TOMM34: variants seen among roughly 807,000 people sequenced by gnomAD.
The protein encoded by TOMM34 is translocase of outer mitochondrial membrane 34.
In TOMM34, 24 loss-of-function variants were observed where a neutral mutation model predicts 37.4. The ratio of observed to expected loss-of-function variants is 0.64; its 90% CI spans 0.46 to 0.90. The LOEUF is 0.90. TOMM34 is among the 40% of genes least tolerant of loss of function. The pLI, the probability that TOMM34 is intolerant of heterozygous loss-of-function variation, is 0.00. For synonymous variants in TOMM34, 154 were observed against 148.9 expected (o/e 1.03, Z -0.25); for missense variants, 304 against 375.6 (o/e 0.81, Z 1.58).
intron 5 of TOMM34, among the ~76,000 whole-genome samples, chr20:44,945,758 C>T (rs953190282): frequency 1.3e-5 from 2 of 152,222 alleles, no homozygotes; most frequent in Non-Finnish European, 2.9e-5. Context: ...AACTGCCCTT[C>T]CCTAATTCCT....
chr20:44,943,969 A>AG (rs542400684), intron 5 of TOMM34, among the ~76,000 whole-genome samples: 324 of 151,582 alleles, frequency 2.1e-3, no homozygotes, highest in Non-Finnish European at 3.6e-3. Context: ...ATCTACTTTA[A>AG]GGGGGAAAAA....
intron 5 of TOMM34, among the ~76,000 whole-genome samples, chr20:44,944,712 T>G (rs1048816722): frequency 2.0e-5 from 3 of 152,100 alleles, no homozygotes; most frequent in African/African-American, 7.2e-5. Flanking sequence ...AAAAAAGAAA[T>G]AAAATCTGAT....
chr20:44,956,695 C>A (rs1300848917), intron 1 of TOMM34, among the ~76,000 whole-genome samples: 3 of 152,090 alleles, frequency 2.0e-5, no homozygotes, highest in Non-Finnish European at 2.9e-5. Flanking sequence ...CAAAGGGAAC[C>A]AAGTATTTCC....
chr20:44,945,457 T>C (rs1319360137), intron 5 of TOMM34, among the ~76,000 whole-genome samples: 8 of 152,158 alleles, frequency 5.3e-5, no homozygotes, highest in Non-Finnish European at 1.0e-4. Flanking sequence ...TAGGTCATAA[T>C]AGGCCTTGCA....
chr20:44,949,416 G>A (rs2067007648), intron 4 of TOMM34, among the ~76,000 whole-genome samples: 1 of 152,234 alleles, frequency 6.6e-6, no homozygotes, highest in African/African-American at 2.4e-5. Flanking sequence ...AGAAGAGCCT[G>A]CTATTCCTCA....
intron 4 of TOMM34, among the ~76,000 whole-genome samples, chr20:44,949,293 T>C (rs556580257): frequency 6.6e-6 from 1 of 152,286 alleles, no homozygotes; most frequent in South Asian, 2.1e-4. Flanking sequence ...TGAGAGTATG[T>C]AAGAAAGTAC....
In TOMM34 at chr20:44,943,475, G is replaced by A. The variant is rs2066953523; in HGVS notation, c.803C>T (p.Ala268Val). The change falls in exon 6 of 7, where the codon GCT becomes GTT. Residue 268 changes from alanine (A) to valine (V), a missense_variant. Transcript: ENST00000372813. ...TACCTTGAGTGCTTTGTGGGCTTGA[G>A]CCCGTCTGTAGAATGCCTTCACGTT... is the stretch of plus-strand genomic sequence containing the variant. ...GKNVKAFYRR[A>V]QAHKALKDYK... The A allele has an allele frequency of 1.2e-6, 2 of 1,614,118 alleles. No homozygotes were observed. Among genetic ancestry groups the A allele is most frequent in the Non-Finnish European group, 1.7e-6 (2 of 1,180,020 alleles).
chr20:44,956,450 A>G lies in TOMM34; in HGVS notation c.163T>C (p.Ser55Pro). ...TTCAAGTGACATGCTGCTCGGTTGG[A>G]GTAGAGAACACTTTCTTCTTCTGGG... ...SDPEEESVLY[S>P]NRAACHLKDG... The change falls in exon 2 of 7, where the codon TCC (serine) becomes CCC (proline). Residue 55 changes from serine to proline, a missense_variant. Physicochemically the swap from Ser to Pro is moderately conservative, Grantham distance 74. Coordinates refer to ENST00000372813, the MANE Select transcript of TOMM34 (RefSeq NM_006809.5). 6.2e-7 allele frequency: 1 copy of G among 1,614,168 alleles called. No homozygotes were observed. Among genetic ancestry groups the G allele is most frequent in the Non-Finnish European group, 8.5e-7 (1 of 1,180,030 alleles).
intron 3 of TOMM34, chr20:44,952,834 T>C (rs1005943228): frequency 1.6e-6 from 1 of 617,940 alleles, no homozygotes; most frequent in African/African-American, 1.8e-5. Context: ...ACAGACTGTA[T>C]CACTACAAAT....
intron 5 of TOMM34, 102 bp from the exon 6 acceptor site, chr20:44,943,681 C>T (rs1568657570): frequency 6.6e-7 from 1 of 1,526,344 alleles, no homozygotes; most frequent in Non-Finnish European, 8.9e-7. Flanking sequence ...TGAACACCTA[C>T]TCTGTGCTGG....
intron 4 of TOMM34, among the ~76,000 whole-genome samples, chr20:44,951,284 C>T (rs1181583955): frequency 6.6e-6 from 1 of 151,994 alleles, no homozygotes; most frequent in East Asian, 1.9e-4. Context: ...GATGTGAGGC[C>T]GGGAACTGCT....
intron 2 of TOMM34, among the ~76,000 whole-genome samples, chr20:44,955,909 G>C (rs750769834): frequency 2.0e-5 from 3 of 152,178 alleles, no homozygotes; most frequent in Admixed American, 6.5e-5. Context: ...CTGGCTTGAA[G>C]AAAAAGAGAT....
rs2066947916 is a variant in TOMM34, at chr20:44,942,988, T to G, written c.*121A>C. ...ACAGGGTGGGAGGCCATCAAGGGAT[T>G]GAGGAGGGGGCTTCAGAGCTCACTT... is the stretch of plus-strand genomic sequence containing the variant. On this transcript the variant is annotated 3_prime_UTR_variant, in exon 7 of 7. Transcript: ENST00000372813. 2.3e-6 allele frequency: 2 copies of G among 854,048 alleles called. No homozygotes were observed. The highest frequency in any genetic ancestry group is 1.6e-5 in the South Asian group (1 of 64,376). 52.9% of individuals were successfully genotyped at this position (854,048 alleles called of 1,614,324 possible).
At chr20:44,951,779 A>T in intron 4 of TOMM34, 54 bp downstream of exon 4, 2 of 1,563,172 alleles carry the variant, frequency 1.3e-6, no homozygotes, top group Non-Finnish European at 1.7e-6. Context: ...GACTACTCTA[A>T]AGAAAATGGA....
At chr20:44,956,276 C>G (rs755182897) in intron 2 of TOMM34, 110 bp downstream of exon 2, 4 of 1,050,182 alleles carry the variant, frequency 3.8e-6, no homozygotes, top group Non-Finnish European at 5.7e-6. Flanking sequence ...TTCTTAATAT[C>G]TGTCCCAGAT....
At chr20:44,945,730 TGA>T (rs1468706200) in intron 5 of TOMM34, among the ~76,000 whole-genome samples, 3 of 152,252 alleles carry the variant, frequency 2.0e-5, no homozygotes, top group Non-Finnish European at 4.4e-5. Context: ...TGACCCTGCA[TGA>T]GAGACCCCAA....
intron 4 of TOMM34, among the ~76,000 whole-genome samples, chr20:44,951,477 A>G (rs1079900): frequency 0.32 from 48,963 of 151,984 alleles, 8,797 homozygotes; most frequent in Admixed American, 0.49. Context: ...TCCCTATACT[A>G]TGTTTACCAT....
At chr20:44,951,786 T>C (rs2067028338) in intron 4 of TOMM34, 47 bp downstream of exon 4, 1 of 1,566,978 alleles carries the variant, frequency 6.4e-7, no homozygotes, top group South Asian at 1.2e-5. Flanking sequence ...CTAAAGAAAA[T>C]GGATAGTGGG....
At chr20:44,955,367 A>G in intron 2 of TOMM34, 147 bp from the exon 3 acceptor site, 3 of 978,714 alleles carry the variant, frequency 3.1e-6, no homozygotes, top group East Asian at 2.5e-5. Context: ...GCCAAACCTC[A>G]GAACAGGGAT....
Sources: allele counts gnomAD v4.1 joint callset (sites outside exome capture counted in the v4.1 genomes callset), GRCh38; gene constraint gnomAD v4.1.1; transcripts MANE v1.5; gene names NCBI Gene and HGNC (gene_info 2026-07-23, HGNC 2026-07-21).